The following LRRC53 variants were observed in gnomAD, a reference collection of about 807,000 sequenced individuals.
The protein encoded by LRRC53 is leucine-rich repeat-containing protein 53.
A neutral mutation model predicts 13.6 loss-of-function variants in LRRC53; 25 were observed. The observed-to-expected ratio is 1.83, with a 90% confidence interval of 1.34 to 2.56. The LOEUF (loss-of-function observed/expected upper bound fraction) is 2.56, where lower values mean the gene tolerates loss of function less well. Ranked by LOEUF, LRRC53 falls within the 30% of genes most tolerant of loss-of-function variation. LRRC53 has a pLI of 0.00. For missense variants in LRRC53, 527 were observed against 275.8 expected (o/e 1.91, Z -6.45); for synonymous variants, 204 against 109.8 (o/e 1.86, Z -5.37).
chr1:74,480,860 C>T lies in LRRC53; in HGVS notation c.197G>A (p.Arg66Lys). The change falls in exon 3 of 5, where the codon AGA becomes AAA. Residue 66 changes from arginine to lysine, a missense_variant. By Grantham distance (26) the Arg-to-Lys change is conservative. Coordinates refer to ENST00000294635, the MANE Select transcript of LRRC53 (RefSeq NM_001382280.1). ...LFNLALLSLS[R>K]NGIEDVQEDA... The stretch of plus-strand genomic sequence containing the variant: ...TTCCTGAACATCCTCGATACCATTT[C>T]TGCTTAGGGAGAGCAGGGCAAGATT... 1.4e-6 allele frequency: 1 copy of T among 717,474 alleles called. No homozygotes were observed. Among genetic ancestry groups the T allele is most frequent in the Non-Finnish European group, 2.6e-6 (1 of 385,090 alleles). 44.4% of individuals were successfully genotyped at this position (717,474 alleles called of 1,614,324 possible). A position where few individuals can be genotyped will look rare whatever the true frequency, so the allele number is the denominator to read the frequency against.
chr1:74,482,385 C>T (rs1182446203), intron 2 of LRRC53, among the ~76,000 whole-genome samples: 8 of 152,182 alleles, frequency 5.3e-5, no homozygotes, highest in Non-Finnish European at 1.2e-4. Flanking sequence ...CATCAACTGT[C>T]TCTGATCAGG....
intron 3 of LRRC53, among the ~76,000 whole-genome samples, chr1:74,477,473 C>CA (rs1365316560): frequency 2.0e-5 from 3 of 151,614 alleles, no homozygotes; most frequent in Admixed American, 6.6e-5. Flanking sequence ...CTGTCAGGAA[C>CA]AAAAAAATCC....
chr1:74,499,007 C>T (rs1212758839), intron 1 of LRRC53, among the ~76,000 whole-genome samples: 1 of 152,122 alleles, frequency 6.6e-6, no homozygotes, highest in Non-Finnish European at 1.5e-5. Flanking sequence ...TTGACTCATT[C>T]ATTTTATATT....
the LRRC53 span, among the ~76,000 whole-genome samples, chr1:74,527,933 A>T: frequency 5.3e-5 from 8 of 152,246 alleles, no homozygotes; most frequent in Middle Eastern, 3.4e-3. Context: ...TGTCAGAACA[A>T]AAGTGGGAGA....
At chr1:74,479,648 A>G (rs1403597829) in intron 3 of LRRC53, among the ~76,000 whole-genome samples, 1 of 152,222 alleles carries the variant, frequency 6.6e-6, no homozygotes, top group Non-Finnish European at 1.5e-5. Flanking sequence ...TGAGATTGCC[A>G]TAATAGCATC....
intron 3 of LRRC53, among the ~76,000 whole-genome samples, chr1:74,477,871 A>G (rs1668284829): frequency 6.6e-6 from 1 of 152,236 alleles, no homozygotes; most frequent in African/African-American, 2.4e-5. Flanking sequence ...TGTGTTGGCA[A>G]GAGAAAAAGG....
the LRRC53 span, among the ~76,000 whole-genome samples, chr1:74,528,325 C>T: frequency 3.3e-5 from 5 of 152,208 alleles, no homozygotes; most frequent in East Asian, 5.8e-4. Flanking sequence ...GGACATAGTA[C>T]AGTGCTGAGT....
At chr1:74,497,933 G>T (rs142656308) in intron 1 of LRRC53, among the ~76,000 whole-genome samples, 1 of 152,002 alleles carries the variant, frequency 6.6e-6, no homozygotes, top group Non-Finnish European at 1.5e-5. Context: ...TGATACTGTC[G>T]CTCTCTCTCT....
At chr1:74,534,822 A>T in the LRRC53 span, among the ~76,000 whole-genome samples, 16 of 152,296 alleles carry the variant, frequency 1.1e-4, no homozygotes, top group African/African-American at 3.6e-4. Context: ...CGATGGGTTT[A>T]TGTGAAAGTG....
At chr1:74,486,553 T>G (rs1668779285) in intron 1 of LRRC53, among the ~76,000 whole-genome samples, 1 of 151,306 alleles carries the variant, frequency 6.6e-6, no homozygotes, top group South Asian at 2.1e-4. Context: ...AGTTTCCATT[T>G]ACTGAAATGG....
At chr1:74,519,641 A>T in the LRRC53 span, among the ~76,000 whole-genome samples, 1 of 152,158 alleles carries the variant, frequency 6.6e-6, no homozygotes, top group Non-Finnish European at 1.5e-5. Context: ...ATAGAGATAA[A>T]AACTTCTAAG....
At chr1:74,522,772 A>G in the LRRC53 span, among the ~76,000 whole-genome samples, 1 of 152,138 alleles carries the variant, frequency 6.6e-6, no homozygotes, top group African/African-American at 2.4e-5. Flanking sequence ...AAACTGGTGT[A>G]TTTCTTAGGT....
intron 3 of LRRC53, among the ~76,000 whole-genome samples, chr1:74,479,869 C>G (rs1221398056): frequency 6.6e-6 from 1 of 152,190 alleles, no homozygotes; most frequent in African/African-American, 2.4e-5. Flanking sequence ...AAACTAAAGT[C>G]TAAATAGCAG....
At position 74,470,571 on chromosome 1, in the gene LRRC53, G is replaced by A. The variant is rs1667877848; in HGVS notation, c.3051C>T (p.Asn1017=). 2.5e-6 allele frequency: 1 copy of A among 400,696 alleles called. No individual in the cohort carries two copies. The highest frequency in any genetic ancestry group is 4.4e-6 in the Non-Finnish European group (1 of 226,180). 24.8% of individuals were successfully genotyped at this position (400,696 alleles called of 1,614,324 possible). Residue 1017 remains asparagine (N), a synonymous_variant, in exon 5 of 5, where the codon AAC becomes AAT. Coordinates refer to ENST00000294635, the MANE Select transcript of LRRC53 (RefSeq NM_001382280.1). ...TTGAATTTGTCTTCATAAATGATAG[G>A]TTGTTCTTGGATTGTGTTTGGGGAA... ...SLIPQTQSKN[N]LSFMKTNSIP...
At chr1:74,532,307 CTGATTA>C in the LRRC53 span, among the ~76,000 whole-genome samples, 2 of 152,060 alleles carry the variant, frequency 1.3e-5, no homozygotes, top group Non-Finnish European at 2.9e-5. Context: ...TGATTTTGCT[CTGATTA>C]TAAGGGATGT....
chr1:74,488,352 G>A (rs989959490), intron 1 of LRRC53, among the ~76,000 whole-genome samples: 11 of 152,258 alleles, frequency 7.2e-5, no homozygotes, highest in African/African-American at 2.4e-4. Flanking sequence ...TCAGGGGTGG[G>A]CTAGATAGTA....
chr1:74,510,731 T>TAGCATTGAAAAGTTCATGGAATTA (rs1670144670), intron 1 of LRRC53, among the ~76,000 whole-genome samples: 1 of 152,234 alleles, frequency 6.6e-6, no homozygotes, highest in Non-Finnish European at 1.5e-5. Flanking sequence ...TAAATATGGC[T>TAGCATTGAAAAGTTCATGGAATTA]AGCATTGAAA....
At chr1:74,523,614 A>G in the LRRC53 span, among the ~76,000 whole-genome samples, 17 of 152,266 alleles carry the variant, frequency 1.1e-4, no homozygotes, top group African/African-American at 4.1e-4. Flanking sequence ...TCATGAGTCT[A>G]GCTTTGCAGA....
At chr1:74,491,861 A>G (rs1669094500) in intron 1 of LRRC53, among the ~76,000 whole-genome samples, 1 of 152,214 alleles carries the variant, frequency 6.6e-6, no homozygotes, top group African/African-American at 2.4e-5. Context: ...TTTTAGAAAG[A>G]TGAGCATAAA....
Sources: allele counts gnomAD v4.1 joint callset (sites outside exome capture counted in the v4.1 genomes callset), GRCh38; gene constraint gnomAD v4.1.1; transcripts MANE v1.5; gene names NCBI Gene and HGNC (gene_info 2026-07-23, HGNC 2026-07-21).